The following ATXN10 variants were observed in gnomAD, a reference collection of about 807,000 sequenced individuals.
ATXN10 encodes the protein ataxin 10.
Under a neutral mutation model 52.9 loss-of-function variants are expected in ATXN10, and 28 were observed. The ratio of observed to expected loss-of-function variants is 0.53; its 90% confidence interval spans 0.39 to 0.73. The LOEUF is 0.73. ATXN10 is among the 30% of genes least tolerant of loss of function. ATXN10 has a pLI of 0.00. For synonymous variants in ATXN10, 226 were observed against 221.5 expected, an observed-to-expected ratio of 1.02 and a Z score of -0.18; for missense variants, 565 against 577.0, an observed-to-expected ratio of 0.98 and a Z score of 0.21.
Position 45,819,970 on chromosome 22 carries a change from T to G in ATXN10, c.1237+12948T>G, listed in dbSNP as rs151120068. Among the ~76,000 whole-genome samples the G allele has an allele frequency of 6.6e-6, 1 of 152,278 alleles. No homozygotes were observed. Among genetic ancestry groups the G allele is most frequent in the Non-Finnish European group, 1.5e-5 (1 of 68,022 alleles). On this transcript the variant is annotated intron_variant, in intron 10 of 11. Coordinates refer to ENST00000252934, the MANE Select transcript of ATXN10 (RefSeq NM_013236.4). This position sits in a 1 kb window ranked among gnomAD's most constrained non-coding sequence, Gnocchi z 4.5. ...GTCAGGATTTTTGTCTAAAAAGACCTTAGTCACATTTAGCAGTGACCAAGG... is the reference window on the plus strand; with the variant it reads ...GTCAGGATTTTTGTCTAAAAAGACCGTAGTCACATTTAGCAGTGACCAAGG...
intron 3 of ATXN10, among the ~76,000 whole-genome samples, chr22:45,695,942 A>G (rs952659509): frequency 6.6e-6 from 1 of 152,014 alleles, no homozygotes; most frequent in African/African-American, 2.4e-5. Context: ...GTGATTTCCT[A>G]GTGTTTTCAT....
At chr22:45,776,719 A>G (rs1405840461) in intron 9 of ATXN10, among the ~76,000 whole-genome samples, 2 of 152,218 alleles carry the variant, frequency 1.3e-5, no homozygotes, top group Non-Finnish European at 2.9e-5. Flanking sequence ...CTGCATTGCT[A>G]TAAACACAAA....
At chr22:45,803,652 C>A (rs564391659) in intron 9 of ATXN10, among the ~76,000 whole-genome samples, 1 of 152,226 alleles carries the variant, frequency 6.6e-6, no homozygotes, top group Admixed American at 6.5e-5. Context: ...TATCTTCATC[C>A]CAATATCGGT....
intron 9 of ATXN10, among the ~76,000 whole-genome samples, chr22:45,764,774 G>A (rs191337527): frequency 6.6e-6 from 1 of 152,300 alleles, no homozygotes; most frequent in African/African-American, 2.4e-5. Context: ...GGAGTTATTG[G>A]AAATTCACAG....
At position 45,789,177 on chromosome 22, in the gene ATXN10, G is replaced by C. The variant is rs956988220; in HGVS notation, c.1174-17782G>C. 6.6e-6 allele frequency among the ~76,000 whole-genome samples: 1 copy of C among 152,104 alleles called. No homozygotes were observed. The highest frequency in any genetic ancestry group is 1.5e-5 in the Non-Finnish European group (1 of 68,024). On this transcript the variant is annotated intron_variant, in intron 9 of 11. Transcript: ENST00000252934. This position sits in a 1 kb window ranked among gnomAD's most constrained non-coding sequence, Gnocchi z 4.0. Reference sequence around the variant, plus strand: ...GACCACCCCTCTAAAACAGTCTTTGGCCACTCTCAATCTCTAGTAGATCAT... The same window carrying C: ...GACCACCCCTCTAAAACAGTCTTTGCCCACTCTCAATCTCTAGTAGATCAT...
chr22:45,702,979 A>C, intron 5 of ATXN10, 132 bp downstream of exon 5: 1 of 1,133,680 alleles, frequency 8.8e-7, no homozygotes, highest in Non-Finnish European at 1.3e-6. Context: ...GTGTTGACAG[A>C]ATTAGAGAAG....
chr22:45,803,877 CTG>C (rs1490040983), intron 9 of ATXN10, among the ~76,000 whole-genome samples: 2 of 152,094 alleles, frequency 1.3e-5, no homozygotes, highest in African/African-American at 4.8e-5. Context: ...AAAACTCTCT[CTG>C]TGCTTCTCAA....
chr22:45,758,084 G>A (rs764249698), intron 9 of ATXN10, among the ~76,000 whole-genome samples: 3 of 152,234 alleles, frequency 2.0e-5, no homozygotes, highest in Non-Finnish European at 2.9e-5. Context: ...CCCGTGCAGT[G>A]GGTAGGGGAC....
At position 45,790,731 on chromosome 22, in the gene ATXN10, A is replaced by T. The variant is rs760962534; in HGVS notation, c.1174-16228A>T. Among the ~76,000 whole-genome samples the T allele has an allele frequency of 6.6e-6, 1 of 152,198 alleles. No homozygotes were observed. Among genetic ancestry groups the T allele is most frequent in the East Asian group, 1.9e-4 (1 of 5,196 alleles). ...CAGTTTCTGTTCAAATAGCCACTGA[A>T]ACATCTACTCTTTTCTACACTTCAC... is the stretch of plus-strand genomic sequence containing the variant. On this transcript the variant is annotated intron_variant, in intron 9 of 11. Coordinates refer to ENST00000252934, the MANE Select transcript of ATXN10 (RefSeq NM_013236.4). The surrounding 1 kb of genome is among the most constrained non-coding windows in gnomAD (Gnocchi z 4.7).
Position 45,672,157 on chromosome 22 carries a change from C to G in ATXN10, c.94C>G (p.Leu32Val). ...DLEALRALTALFKEQRNRETA... is the reference protein window; with the variant it reads ...DLEALRALTAVFKEQRNRETA... ...GGAGGCCCTGCGCGCGCTCACGGCG[C>G]TCTTCAAAGAGCAGCGGAACCGGTA... The change falls in exon 1 of 12, where the codon CTC becomes GTC. Residue 32 changes from leucine (L) to valine (V), a missense_variant. Leu to Val is a conservative substitution (Grantham distance 32). Coordinates refer to ENST00000252934, the MANE Select transcript of ATXN10 (RefSeq NM_013236.4). 2 of 1,539,104 alleles carry G rather than the reference C, an allele frequency of 1.3e-6. No homozygotes were observed. The highest frequency in any genetic ancestry group is 1.7e-6 in the Non-Finnish European group (2 of 1,144,956).
At chr22:45,673,193 A>C (rs1017930182) in intron 1 of ATXN10, 4 of 152,244 alleles carry the variant, frequency 2.6e-5, no homozygotes, top group African/African-American at 9.6e-5. Context: ...TGTATCAGCT[A>C]TTGTGCTAGG....
At chr22:45,729,253 A>G (rs1173024595) in intron 6 of ATXN10, among the ~76,000 whole-genome samples, 172 bp from the exon 7 acceptor site, 7 of 152,238 alleles carry the variant, frequency 4.6e-5, no homozygotes, top group African/African-American at 1.7e-4. Context: ...GAATTTAAAA[A>G]ATAGGTGATT....
chr22:45,783,372 G>C lies in ATXN10; in HGVS notation c.1174-23587G>C, dbSNP rs866733547. On this transcript the variant is annotated intron_variant, in intron 9 of 11. Coordinates refer to ENST00000252934, the MANE Select transcript of ATXN10 (RefSeq NM_013236.4). This position sits in a 1 kb window ranked among gnomAD's most constrained non-coding sequence, Gnocchi z 5.0. ...TTTCCACTTAATAGTTTCAGACCAC[G>C]GGTAACTGAAAATTGCAAAACGTGA... is the stretch of plus-strand genomic sequence containing the variant. Among the ~76,000 whole-genome samples, 3 of 152,170 alleles carry C rather than the reference G, an allele frequency of 2.0e-5. No individual in the cohort carries two copies. The highest frequency in any genetic ancestry group is 1.3e-4 in the Admixed American group (2 of 15,280).
Position 45,769,516 on chromosome 22 carries a change from T to TG in ATXN10, c.1173+28981dup, listed in dbSNP as rs1926701646. 6.6e-6 allele frequency among the ~76,000 whole-genome samples: 1 copy of TG among 151,660 alleles called. No individual in the cohort carries two copies. Among genetic ancestry groups the TG allele is most frequent in the South Asian group, 2.1e-4 (1 of 4,788 alleles). On this transcript the variant is annotated intron_variant, in intron 9 of 11. Transcript: ENST00000252934. This position sits in a 1 kb window ranked among gnomAD's most constrained non-coding sequence, Gnocchi z 4.2. ...CGTGGAGTTGGGCCTTGAGGAATGG[T>TG]GGGTAGCAGTTATGTGGCGATGAAG...
At chr22:45,778,489 T>TA (rs1569061048) in intron 9 of ATXN10, among the ~76,000 whole-genome samples, 1 of 152,268 alleles carries the variant, frequency 6.6e-6, no homozygotes, top group Non-Finnish European at 1.5e-5. Context: ...TGTTCGTTAT[T>TA]ATGCTAACTA....
chr22:45,806,531 ACCTTTCC>A lies in ATXN10; in HGVS notation c.1174-424_1174-418del, dbSNP rs1928105011. Among the ~76,000 whole-genome samples, 6 of 152,160 alleles carry A rather than the reference ACCTTTCC, an allele frequency of 3.9e-5. No individual in the cohort carries two copies. The South Asian group carries it at 8.3e-4, about 21-fold the overall frequency. On this transcript the variant is annotated intron_variant, in intron 9 of 11. Transcript: ENST00000252934. ...GAAAAACAAATAGTCAAATTTTAAA[ACCTTTCC>A]CCTGTTGCTTCCGGATTGAATCATA...
intron 8 of ATXN10, among the ~76,000 whole-genome samples, chr22:45,740,107 A>G (rs1601616409): frequency 6.6e-6 from 1 of 152,218 alleles, no homozygotes; most frequent in East Asian, 1.9e-4. Context: ...TTGTAGATAA[A>G]TAGAAACTCT....
At chr22:45,777,260 G>T (rs1447698945) in intron 9 of ATXN10, among the ~76,000 whole-genome samples, 1 of 152,128 alleles carries the variant, frequency 6.6e-6, no homozygotes, top group African/African-American at 2.4e-5. Flanking sequence ...TTTAGTTTCT[G>T]TTATGTCGTT....
At position 45,677,356 on chromosome 22, in the gene ATXN10, T is replaced by C. The variant is rs1487661779; in HGVS notation, c.116+5177T>C. 1 of 152,198 alleles carries C rather than the reference T, an allele frequency of 6.6e-6. No individual in the cohort carries two copies. The highest frequency in any genetic ancestry group is 1.5e-5 in the Non-Finnish European group (1 of 68,030). The allele number at this position is 152,198 out of a possible 1,614,324, so 9.4% of individuals were successfully genotyped here. ...GCTATTTCTATAACTTATTACTCAT[T>C]GCACTTGCTTGGTCTTTTTCTTAGT... On this transcript the variant is annotated intron_variant, in intron 1 of 11. Coordinates refer to ENST00000252934, the MANE Select transcript of ATXN10 (RefSeq NM_013236.4). This position sits in a 1 kb window ranked among gnomAD's most constrained non-coding sequence, Gnocchi z 4.1.
Sources: allele counts gnomAD v4.1 joint callset (sites outside exome capture counted in the v4.1 genomes callset), GRCh38; gene constraint gnomAD v4.1.1; non-coding constraint Gnocchi (gnomAD v3.1); transcripts MANE v1.5; gene names NCBI Gene and HGNC (gene_info 2026-07-23, HGNC 2026-07-21).